SV2C: variants seen among roughly 807,000 people sequenced by gnomAD.
SV2C encodes the protein solute carrier family 22 member B3.
A neutral mutation model predicts 79.7 loss-of-function variants in SV2C; 49 were observed. The observed-to-expected ratio is 0.61, with a 90% CI of 0.49 to 0.78. The LOEUF is 0.78. Ranked by LOEUF, SV2C falls within the 30% of genes least tolerant of loss-of-function variation. SV2C has a pLI of 0.00. For missense variants in SV2C, 833 were observed against 912.9 expected (o/e 0.91, Z 1.13); for synonymous variants, 334 against 333.2 (o/e 1.00, Z -0.03).
chr5:76,195,011 A>C lies in SV2C; in HGVS notation c.673A>C (p.Met225Leu), dbSNP rs1451317626. 3 of 1,614,074 alleles carry C rather than the reference A, an allele frequency of 1.9e-6. No homozygotes were observed. Among genetic ancestry groups the C allele is most frequent in the Non-Finnish European group, 2.5e-6 (3 of 1,179,968 alleles). ...AAGGAAACAGTCTCTTCTGATTTGC[A>C]TGTCTGTCAACGGATTCTTTGCCTT... Reference protein sequence around the residue: ...VGRKQSLLICMSVNGFFAFLS... With the variant: ...VGRKQSLLICLSVNGFFAFLS... The change falls in exon 3 of 13, where the codon ATG (methionine) becomes CTG (leucine). Residue 225 changes from methionine (M) to leucine (L), a missense_variant. Physicochemically the swap from Met to Leu is conservative, Grantham distance 15. Transcript: ENST00000502798.
At chr5:76,300,190 A>ATTATTTTTT (rs1328012752) in intron 10 of SV2C, among the ~76,000 whole-genome samples, 1 of 131,700 alleles carries the variant, frequency 7.6e-6, no homozygotes, top group Non-Finnish European at 1.7e-5. Flanking sequence ...TATTATTATT[A>ATTATTTTTT]TTTTTGTAGA....
At chr5:76,094,136 T>C (rs1183700672) in intron 1 of SV2C, among the ~76,000 whole-genome samples, 1 of 152,220 alleles carries the variant, frequency 6.6e-6, no homozygotes, top group Non-Finnish European at 1.5e-5. Context: ...GTTTCAGCAC[T>C]ATAAGAAACT....
chr5:76,340,970 G>A (rs145124865), intron 12 of SV2C, among the ~76,000 whole-genome samples: 56 of 132,842 alleles, frequency 4.2e-4, no homozygotes, highest in African/African-American at 9.0e-4. Context: ...CACTCTTGTC[G>A]CCCAGGCTGG....
chr5:76,231,706 T>C lies in SV2C; in HGVS notation c.913+21819T>C, dbSNP rs1360155214. Among the ~76,000 whole-genome samples, 5 of 143,204 alleles carry C rather than the reference T, an allele frequency of 3.5e-5. 2 individuals carry two copies. Among genetic ancestry groups the C allele is most frequent in the African/African-American group, 1.2e-4 (4 of 32,974 alleles). The allele number at this position is 143,204 out of a possible 152,430, so 93.9% of individuals were successfully genotyped here. On this transcript the variant is annotated intron_variant, in intron 4 of 12. Coordinates refer to ENST00000502798, the MANE Select transcript of SV2C (RefSeq NM_014979.4). Reference sequence around the variant, plus strand: ...TGCGGTGTTTGGTGTTTTGTTCTTGTGATAGTTTACTGAGAACGATGATTT... The same window carrying C: ...TGCGGTGTTTGGTGTTTTGTTCTTGCGATAGTTTACTGAGAACGATGATTT...
the SV2C span, among the ~76,000 whole-genome samples, chr5:76,030,266 GT>G: frequency 1.9e-3 from 60 of 31,980 alleles, no homozygotes; most frequent in Middle Eastern, 0.036. Context: ...TCAGAGGCTT[GT>G]TTTTTTTTTT....
At chr5:76,263,340 T>C (rs1026379593) in intron 4 of SV2C, among the ~76,000 whole-genome samples, 1 of 152,084 alleles carries the variant, frequency 6.6e-6, no homozygotes, top group African/African-American at 2.4e-5. Context: ...CAGCCCTTTA[T>C]TTTGAGCCTA....
At chr5:76,132,442 A>G (rs1748933900) in intron 2 of SV2C, 112 bp downstream of exon 2, 1 of 1,125,646 alleles carries the variant, frequency 8.9e-7, no homozygotes. Context: ...TTTTTCTAAC[A>G]AATTTTTTAT....
the SV2C span, among the ~76,000 whole-genome samples, chr5:75,879,392 G>A: frequency 6.6e-6 from 1 of 152,070 alleles, no homozygotes; most frequent in Non-Finnish European, 1.5e-5. Flanking sequence ...AGATACAATG[G>A]GATACAGACA....
At chr5:76,032,427 G>C in the SV2C span, among the ~76,000 whole-genome samples, 3 of 152,080 alleles carry the variant, frequency 2.0e-5, no homozygotes, top group Non-Finnish European at 4.4e-5. Context: ...TTCCCAGAGT[G>C]TGATGTTCCC....
intron 1 of SV2C, among the ~76,000 whole-genome samples, chr5:76,114,225 C>T (rs1301168464): frequency 1.3e-5 from 2 of 152,118 alleles, no homozygotes; most frequent in African/African-American, 2.4e-5. Context: ...AGGGAAACAA[C>T]GAGTACAGCA....
chr5:75,975,267 A>G, the SV2C span, among the ~76,000 whole-genome samples: 5 of 152,124 alleles, frequency 3.3e-5, no homozygotes, highest in African/African-American at 1.2e-4. Flanking sequence ...CCCTATTTGT[A>G]TGTATTTTTA....
the SV2C span, among the ~76,000 whole-genome samples, chr5:75,912,412 G>C: frequency 1.3e-5 from 2 of 152,270 alleles, no homozygotes; most frequent in African/African-American, 4.8e-5. Flanking sequence ...AGGATGACTT[G>C]AGCCTGGGAG....
At position 76,240,566 on chromosome 5, in the gene SV2C, A is replaced by G. The variant is rs912745748; in HGVS notation, c.913+30679A>G. Among the ~76,000 whole-genome samples the G allele has an allele frequency of 4.6e-5, 7 of 152,314 alleles. No homozygotes were observed. The East Asian group carries it at 7.7e-4, about 17-fold the overall frequency. On this transcript the variant is annotated intron_variant, in intron 4 of 12. Coordinates refer to ENST00000502798, the MANE Select transcript of SV2C (RefSeq NM_014979.4). ...AGGAACCATCTGTGACACATTCTAC[A>G]TGGTTCCTTAGAGGGTCCCCAAGTG...
chr5:75,867,681 G>A, the SV2C span, among the ~76,000 whole-genome samples: 14 of 152,182 alleles, frequency 9.2e-5, no homozygotes, highest in Admixed American at 8.5e-4. Flanking sequence ...AATTTCCATA[G>A]AACATAGATC....
the SV2C span, among the ~76,000 whole-genome samples, chr5:75,905,620 A>C: frequency 0.017 from 2,513 of 152,102 alleles, 34 homozygotes; most frequent in African/African-American, 0.043. Flanking sequence ...TGCAGTTGGG[A>C]TGTCCAGCTC....
chr5:75,902,865 A>G, the SV2C span, among the ~76,000 whole-genome samples: 1 of 152,218 alleles, frequency 6.6e-6, no homozygotes, highest in Non-Finnish European at 1.5e-5. Context: ...TTGGGAAGCA[A>G]GTCTATTCAG....
At chr5:75,903,094 C>T in the SV2C span, among the ~76,000 whole-genome samples, 2 of 152,108 alleles carry the variant, frequency 1.3e-5, no homozygotes, top group African/African-American at 2.4e-5. Context: ...AGTAGTTATT[C>T]AAAAGTGAAC....
the SV2C span, among the ~76,000 whole-genome samples, chr5:76,019,445 C>T: frequency 6.6e-6 from 1 of 152,028 alleles, no homozygotes; most frequent in South Asian, 2.1e-4. Context: ...GCAGCTTGAG[C>T]GTTGTACTGA....
At chr5:76,254,146 ATATAT>A (rs1746193746) in intron 4 of SV2C, among the ~76,000 whole-genome samples, 2 of 36,154 alleles carry the variant, frequency 5.5e-5, no homozygotes, top group South Asian at 1.2e-3. Context: ...ATGTGTTATT[ATATAT>A]ATATATATAT....
Sources: gnomAD v4.1 joint callset for allele counts (sites outside exome capture counted in the v4.1 genomes callset) on GRCh38, gnomAD v4.1.1 for gene constraint, MANE v1.5 for transcripts, NCBI Gene and HGNC (gene_info 2026-07-23, HGNC 2026-07-21) for gene names.